The following GREB1L variants were observed in gnomAD, a reference collection of about 807,000 sequenced individuals.
The protein encoded by GREB1L is GREB1-like protein.
In GREB1L, 17 loss-of-function variants were observed where a neutral mutation model predicts 200.8. That is an observed-to-expected ratio of 0.08 (90% CI 0.06 to 0.13). The LOEUF is 0.13. Among genes scored for constraint, GREB1L ranks in the 10% least tolerant of loss-of-function variants. The pLI, the probability that GREB1L is intolerant of heterozygous loss-of-function variation, is 1.00. For missense variants in GREB1L, 1,657 were observed against 2,367.7 expected (o/e 0.70, Z 6.23); for synonymous variants, 789 against 893.0 (o/e 0.88, Z 2.08).
chr18:21,358,962 T>C, intron 1 of GREB1L, among the ~76,000 whole-genome samples: 1 of 152,244 alleles, frequency 6.6e-6, no homozygotes. Context: ...TGGTGGAATC[T>C]TAAGGTTTTC....
chr18:21,469,743 T>A (rs1331371600), intron 15 of GREB1L, among the ~76,000 whole-genome samples: 1 of 152,216 alleles, frequency 6.6e-6, no homozygotes, highest in Non-Finnish European at 1.5e-5. Flanking sequence ...ATTTGTAACT[T>A]CTTTCTCTGA....
intron 11 of GREB1L, among the ~76,000 whole-genome samples, chr18:21,444,725 C>A (rs1251525544): frequency 6.6e-6 from 1 of 152,194 alleles, no homozygotes; most frequent in Non-Finnish European, 1.5e-5. Flanking sequence ...CCTTGAGCAC[C>A]CCTTCTCTGG....
intron 7 of GREB1L, among the ~76,000 whole-genome samples, chr18:21,409,172 A>G (rs760166117): frequency 1.3e-5 from 2 of 152,266 alleles, no homozygotes; most frequent in East Asian, 3.8e-4. Context: ...ATGTATCCAT[A>G]TAATGGAATA....
At chr18:21,469,957 A>G (rs1471108155) in intron 15 of GREB1L, among the ~76,000 whole-genome samples, 1 of 152,128 alleles carries the variant, frequency 6.6e-6, no homozygotes, top group Non-Finnish European at 1.5e-5. Flanking sequence ...TTGCTCGGCC[A>G]TATACATTTT....
chr18:21,374,329 T>C (rs1286712490), intron 2 of GREB1L, among the ~76,000 whole-genome samples: 1 of 152,130 alleles, frequency 6.6e-6, no homozygotes, highest in Non-Finnish European at 1.5e-5. Context: ...AACCTTTGCT[T>C]TCTTGTTCAG....
In GREB1L at chr18:21,411,557, G is replaced by T. The variant is rs191535745; in HGVS notation, c.832+7563G>T. 3.3e-5 allele frequency among the ~76,000 whole-genome samples: 5 copies of T among 152,252 alleles called. No homozygotes were observed. The East Asian group carries it at 9.7e-4, about 29-fold the overall frequency. On this transcript the variant is annotated intron_variant, in intron 7 of 32. Transcript: ENST00000424526. ...AAGAACTAATATACACTGCTGGTAGGAGTGTTAATTGATACCAAAGCTCTG... is the reference window on the plus strand; with the variant it reads ...AAGAACTAATATACACTGCTGGTAGTAGTGTTAATTGATACCAAAGCTCTG...
intron 15 of GREB1L, among the ~76,000 whole-genome samples, chr18:21,465,094 A>G (rs1598884813): frequency 6.6e-6 from 1 of 152,188 alleles, no homozygotes; most frequent in African/African-American, 2.4e-5. Flanking sequence ...CATACTTATT[A>G]TTTGTTTGTG....
intron 1 of GREB1L, among the ~76,000 whole-genome samples, chr18:21,322,575 T>A (rs2144932687): frequency 6.6e-6 from 1 of 152,284 alleles, no homozygotes; most frequent in Admixed American, 6.5e-5. Context: ...GATTCTCTAG[T>A]TCATATATAA....
chr18:21,353,493 T>C (rs2039464030), intron 1 of GREB1L, among the ~76,000 whole-genome samples: 1 of 152,160 alleles, frequency 6.6e-6, no homozygotes, highest in African/African-American at 2.4e-5. Flanking sequence ...GGAACATTTT[T>C]CTTAGCTGAT....
chr18:21,257,134 T>C (rs983805861), intron 1 of GREB1L, among the ~76,000 whole-genome samples: 3 of 152,084 alleles, frequency 2.0e-5, no homozygotes, highest in Non-Finnish European at 4.4e-5. Context: ...GCCCGGCTAA[T>C]TTTTTGTATT....
intron 7 of GREB1L, among the ~76,000 whole-genome samples, chr18:21,417,510 T>C (rs1034342057): frequency 3.3e-5 from 5 of 151,754 alleles, no homozygotes; most frequent in African/African-American, 1.2e-4. Flanking sequence ...TAAGACTCCA[T>C]CTCAAAAACA....
At chr18:21,309,493 C>T (rs576468956) in intron 1 of GREB1L, among the ~76,000 whole-genome samples, 1 of 152,288 alleles carries the variant, frequency 6.6e-6, no homozygotes, top group Non-Finnish European at 1.5e-5. Flanking sequence ...TGTACTACAG[C>T]CAGAATGCTA....
At chr18:21,337,082 G>T (rs183709420) in intron 1 of GREB1L, among the ~76,000 whole-genome samples, 2 of 152,126 alleles carry the variant, frequency 1.3e-5, no homozygotes, top group East Asian at 1.9e-4. Flanking sequence ...TGAACATTCC[G>T]CAGTGTTCTT....
chr18:21,456,654 A>G (rs892899681), intron 15 of GREB1L, among the ~76,000 whole-genome samples: 22 of 152,274 alleles, frequency 1.4e-4, no homozygotes, highest in African/African-American at 5.3e-4. Flanking sequence ...TCTTCTTTTT[A>G]GCCTCTCAGT....
At chr18:21,501,101 G>GA (rs1004406301) in intron 23 of GREB1L, among the ~76,000 whole-genome samples, 65 of 149,658 alleles carry the variant, frequency 4.3e-4, no homozygotes, top group African/African-American at 1.4e-3. Context: ...AGAAAGAAAT[G>GA]AAAAAAAAGA....
chr18:21,398,961 G>T (rs1467436715), intron 5 of GREB1L, among the ~76,000 whole-genome samples: 1 of 152,166 alleles, frequency 6.6e-6, no homozygotes, highest in South Asian at 2.1e-4. Context: ...AAGCCATACA[G>T]GGTTTTTAAA....
At chr18:21,513,781 G>T in intron 27 of GREB1L, 40 bp from the exon 28 acceptor site, 1 of 1,535,768 alleles carries the variant, frequency 6.5e-7, no homozygotes, top group South Asian at 1.2e-5. Flanking sequence ...CCTGAGTGAA[G>T]GATGTGTGGA....
intron 1 of GREB1L, among the ~76,000 whole-genome samples, chr18:21,343,509 TACA>T (rs1011456232): frequency 9.9e-5 from 15 of 152,142 alleles, no homozygotes; most frequent in African/African-American, 3.6e-4. Context: ...CTTTGGATTA[TACA>T]ACAAGAGAGG....
chr18:21,357,031 C>A (rs1387120985), intron 1 of GREB1L, among the ~76,000 whole-genome samples: 1 of 151,958 alleles, frequency 6.6e-6, no homozygotes, highest in Non-Finnish European at 1.5e-5. Flanking sequence ...ATTTGTTCTC[C>A]TACTGTTAAA....
Sources: allele counts gnomAD v4.1 joint callset (sites outside exome capture counted in the v4.1 genomes callset), GRCh38; gene constraint gnomAD v4.1.1; transcripts MANE v1.5; gene names NCBI Gene and HGNC (gene_info 2026-07-23, HGNC 2026-07-21).